The following NPR3 variants were observed in gnomAD, a reference collection of about 807,000 sequenced individuals.
NPR3 encodes atrial natriuretic peptide receptor 3.
A neutral mutation model predicts 54.5 loss-of-function variants in NPR3; 34 were observed. The ratio of observed to expected loss-of-function variants is 0.62; its 90% CI spans 0.47 to 0.83. NPR3 has a LOEUF of 0.83. Ranked by LOEUF, NPR3 falls within the 40% of genes least tolerant of loss-of-function variation. The pLI, the probability that NPR3 is intolerant of heterozygous loss-of-function variation, is 0.00. For missense variants in NPR3, 674 were observed against 720.8 expected, an observed-to-expected ratio of 0.94 and a Z score of 0.74; for synonymous variants, 289 against 297.1, an observed-to-expected ratio of 0.97 and a Z score of 0.28.
chr5:32,704,716 T>C (rs1211119102), upstream of NPR3, among the ~76,000 whole-genome samples: 12 of 152,228 alleles, frequency 7.9e-5, no homozygotes, highest in Admixed American at 7.9e-4. Context: ...AGATCATTTC[T>C]GAGGCCATTA....
rs1742679501 is a variant in NPR3, at chr5:32,787,093, T to A, written c.*748T>A. On this transcript the variant is annotated 3_prime_UTR_variant, in exon 8 of 8. Coordinates refer to ENST00000265074, the MANE Select transcript of NPR3 (RefSeq NM_001204375.2). ...AGTATTTTAATCTTATATTTTGGTA[T>A]TAGAAAAATTTGTCTATTTTTTCAT... The A allele has an allele frequency of 6.6e-6, 1 of 152,658 alleles. No individual in the cohort carries two copies. The allele number at this position is 152,658 out of a possible 1,614,324, so 9.5% of individuals were successfully genotyped here.
intron 1 of NPR3, among the ~76,000 whole-genome samples, chr5:32,718,125 A>T (rs1002872563): frequency 9.2e-5 from 14 of 151,770 alleles, no homozygotes; most frequent in African/African-American, 3.4e-4. Flanking sequence ...TTCTTTCCCC[A>T]TTTCTCATTT....
chr5:32,753,180 T>C (rs1740661395), intron 3 of NPR3, among the ~76,000 whole-genome samples: 1 of 152,230 alleles, frequency 6.6e-6, no homozygotes, highest in Admixed American at 6.5e-5. Context: ...GTCACTGTTT[T>C]TTTTCCATTA....
rs748043453 is a variant in NPR3, at chr5:32,712,271, G to C, written c.495G>C (p.Gln165His). Residue 165 changes from glutamine (Q) to histidine (H), a missense_variant, in exon 1 of 8, where the codon CAG becomes CAC. By Grantham distance (24) the Gln-to-His change is conservative. Coordinates refer to ENST00000265074, the MANE Select transcript of NPR3 (RefSeq NM_001204375.2). ...LSAGALAAGF[Q>H]HKDSEYSHLT... ...CTGGGGCGCTGGCCGCTGGCTTCCAGCACAAGGACTCTGAGTACTCGCACC... is the reference window on the plus strand; with the variant it reads ...CTGGGGCGCTGGCCGCTGGCTTCCACCACAAGGACTCTGAGTACTCGCACC... 2 of 1,612,944 alleles carry C rather than the reference G, an allele frequency of 1.2e-6. No homozygotes were observed. Among genetic ancestry groups the C allele is most frequent in the Non-Finnish European group, 1.7e-6 (2 of 1,179,740 alleles).
At chr5:32,777,110 T>A (rs1742093417) in intron 4 of NPR3, among the ~76,000 whole-genome samples, 1 of 151,910 alleles carries the variant, frequency 6.6e-6, no homozygotes, top group Non-Finnish European at 1.5e-5. Flanking sequence ...GCCCGAGAGG[T>A]AATGGGGCCA....
intron 3 of NPR3, among the ~76,000 whole-genome samples, chr5:32,765,858 G>A (rs1741424261): frequency 6.6e-6 from 1 of 152,182 alleles, no homozygotes; most frequent in African/African-American, 2.4e-5. Context: ...CTATGTTTAG[G>A]AAAACCTACA....
At position 32,788,068 on chromosome 5, in the gene NPR3, T is replaced by C. The variant is rs939906253; in HGVS notation, c.*1723T>C. ...GCTGGCCCATGTGTGAGTGCTTCCC[T>C]GGAGAAGTCCGCTTCTGTTGCTCCC... On this transcript the variant is annotated 3_prime_UTR_variant, in exon 8 of 8. Coordinates refer to ENST00000265074, the MANE Select transcript of NPR3 (RefSeq NM_001204375.2). 6.6e-6 allele frequency: 1 copy of C among 152,216 alleles called. No homozygotes were observed. Among genetic ancestry groups the C allele is most frequent in the African/African-American group, 2.4e-5 (1 of 41,458 alleles). 9.4% of individuals were successfully genotyped at this position (152,216 alleles called of 1,614,324 possible).
intron 1 of NPR3, among the ~76,000 whole-genome samples, chr5:32,700,354 T>C (rs1274579362): frequency 6.6e-6 from 1 of 152,228 alleles, no homozygotes; most frequent in Admixed American, 6.5e-5. Flanking sequence ...AAGGCTATTT[T>C]CTAGATTTGG....
chr5:32,712,373 C>A lies in NPR3; in HGVS notation c.597C>A (p.Arg199=), dbSNP rs755943611. The A allele has an allele frequency of 6.2e-7, 1 of 1,612,948 alleles. No homozygotes were observed. Among genetic ancestry groups the A allele is most frequent in the East Asian group, 2.2e-5 (1 of 44,874 alleles). The change falls in exon 1 of 8, where the codon CGC becomes CGA. Residue 199 remains arginine, a synonymous_variant. Transcript: ENST00000265074. ...TGTTCCGCCACCACCACTGGAGCCGCGCTGCACTGGTCTACAGCGACGACA... is the reference window on the plus strand; with the variant it reads ...TGTTCCGCCACCACCACTGGAGCCGAGCTGCACTGGTCTACAGCGACGACA... ...LALFRHHHWS[R]AALVYSDDKL... is the part of the protein sequence containing the mutation.
intron 1 of NPR3, among the ~76,000 whole-genome samples, chr5:32,714,505 CTTTTTT>C (rs11295246): frequency 7.1e-6 from 1 of 140,438 alleles, no homozygotes; most frequent in African/African-American, 2.6e-5. Flanking sequence ...AGTCTCTTTG[CTTTTTT>C]TTTTTTTTTC....
rs760529927 is a variant in NPR3, at chr5:32,789,761, T to C, written c.*3416T>C. On this transcript the variant is annotated 3_prime_UTR_variant, in exon 8 of 8. Transcript: ENST00000265074. Reference sequence around the variant, plus strand: ...CAGTCAACAATGAGATGAAGGCCATTGCATAGATCTCATGCAGATAGTGAT... The same window carrying C: ...CAGTCAACAATGAGATGAAGGCCATCGCATAGATCTCATGCAGATAGTGAT... 1 of 531,028 alleles carries C rather than the reference T, an allele frequency of 1.9e-6. No homozygotes were observed. The highest frequency in any genetic ancestry group is 1.4e-5 in the South Asian group (1 of 71,166). The allele number at this position is 531,028 out of a possible 1,614,324, so 32.9% of individuals were successfully genotyped here.
At chr5:32,776,822 T>C (rs1163652536) in intron 4 of NPR3, among the ~76,000 whole-genome samples, 1 of 152,092 alleles carries the variant, frequency 6.6e-6, no homozygotes, top group Admixed American at 6.5e-5. Flanking sequence ...CTTTCAGAGC[T>C]ATAAAATAAG....
chr5:32,706,606 C>G (rs578156913), upstream of NPR3, among the ~76,000 whole-genome samples: 31 of 152,268 alleles, frequency 2.0e-4, no homozygotes, highest in South Asian at 6.4e-3. Flanking sequence ...GAAAGTTTCG[C>G]CAGAGACTTC....
chr5:32,709,546 A>G (rs538614027), upstream of NPR3: 2 of 152,028 alleles, frequency 1.3e-5, no homozygotes, highest in Non-Finnish European at 2.9e-5. Flanking sequence ...TAAATTTTAT[A>G]CAGATGTCTC....
At chr5:32,780,840 C>CAGTT in intron 5 of NPR3, 24 bp downstream of exon 5, 1 of 1,064,232 alleles carries the variant, frequency 9.4e-7, no homozygotes, top group Non-Finnish European at 1.5e-6. Context: ...ACCTCTGCAC[C>CAGTT]AGTTGCTCCT....
At chr5:32,769,554 G>C (rs1486713470) in intron 3 of NPR3, among the ~76,000 whole-genome samples, 1 of 152,214 alleles carries the variant, frequency 6.6e-6, no homozygotes. Flanking sequence ...TCTTTTGCAA[G>C]AGAGTCTTGA....
At chr5:32,721,921 C>T (rs1422745321) in intron 1 of NPR3, among the ~76,000 whole-genome samples, 1 of 152,138 alleles carries the variant, frequency 6.6e-6, no homozygotes. Flanking sequence ...CAAATGTGTG[C>T]CAGCTCAGGT....
intron 1 of NPR3, 37 bp from the exon 2 acceptor site, chr5:32,724,661 A>G: frequency 6.8e-6 from 11 of 1,612,822 alleles, no homozygotes; most frequent in Non-Finnish European, 9.3e-6. Flanking sequence ...TGCTCTGCAA[A>G]GGGGTGCCTC....
At position 32,788,609 on chromosome 5, in the gene NPR3, CTT is replaced by C. The variant is rs762339742; in HGVS notation, c.*2268_*2269del. ...GTCTTTGAGTATAAACATTTCTAACCTTTTTAAAACTTCTATAGCAGCCCATT... is the reference window on the plus strand; with the variant it reads ...GTCTTTGAGTATAAACATTTCTAACCTTTAAAACTTCTATAGCAGCCCATT... On this transcript the variant is annotated 3_prime_UTR_variant, in exon 8 of 8. Coordinates refer to ENST00000265074, the MANE Select transcript of NPR3 (RefSeq NM_001204375.2). 1 of 152,142 alleles carries C rather than the reference CTT, an allele frequency of 6.6e-6. No individual in the cohort carries two copies. Among genetic ancestry groups the C allele is most frequent in the Non-Finnish European group, 1.5e-5 (1 of 68,034 alleles). 9.4% of individuals were successfully genotyped at this position (152,142 alleles called of 1,614,324 possible).
Sources: gnomAD v4.1 joint callset for allele counts (sites outside exome capture counted in the v4.1 genomes callset) on GRCh38, gnomAD v4.1.1 for gene constraint, MANE v1.5 for transcripts, NCBI Gene and HGNC (gene_info 2026-07-23, HGNC 2026-07-21) for gene names.